ADAMTS19: variants seen among roughly 807,000 people sequenced by gnomAD.
The protein encoded by ADAMTS19 is A disintegrin and metalloproteinase with thrombospondin motifs 19.
In ADAMTS19, 93 loss-of-function variants were observed where a neutral mutation model predicts 153.3. That is an observed-to-expected ratio of 0.61 (90% CI 0.51 to 0.72). The LOEUF (loss-of-function observed/expected upper bound fraction) is 0.72, where lower values mean the gene tolerates loss of function less well. Ranked by LOEUF, ADAMTS19 falls within the 30% of genes least tolerant of loss-of-function variation. The probability of loss-of-function intolerance (pLI) is 0.00; values close to 1 mark genes in which losing one functional copy is unlikely to be tolerated. For synonymous variants in ADAMTS19, 600 were observed against 556.6 expected, an observed-to-expected ratio of 1.08 and a Z score of -1.10; for missense variants, 1,482 against 1,552.1, an observed-to-expected ratio of 0.95 and a Z score of 0.76.
Position 129,496,046 on chromosome 5 carries a change from G to A in ADAMTS19, c.748-13031G>A, listed in dbSNP as rs559986377. ...CATAGCTACATTTGTATTTGGGAATGTCATGATTGGGAAACAGGCCATGAA... is the reference window on the plus strand; with the variant it reads ...CATAGCTACATTTGTATTTGGGAATATCATGATTGGGAAACAGGCCATGAA... On this transcript the variant is annotated intron_variant, in intron 2 of 22. Transcript: ENST00000274487. Among the ~76,000 whole-genome samples, 20 of 152,222 alleles carry A rather than the reference G, an allele frequency of 1.3e-4. No individual in the cohort carries two copies. In the South Asian group the frequency reaches 3.5e-3, roughly 27 times the overall value.
intron 7 of ADAMTS19, among the ~76,000 whole-genome samples, chr5:129,588,808 A>G (rs1490975620): frequency 6.6e-6 from 1 of 151,738 alleles, no homozygotes; most frequent in Non-Finnish European, 1.5e-5. Flanking sequence ...GATATATGGG[A>G]ATTTTATTAA....
chr5:129,532,641 T>G (rs912839287), intron 6 of ADAMTS19, among the ~76,000 whole-genome samples: 1 of 152,194 alleles, frequency 6.6e-6, no homozygotes, highest in East Asian at 1.9e-4. Context: ...ACTTGAAAAT[T>G]TATAGAAGCT....
intron 18 of ADAMTS19, among the ~76,000 whole-genome samples, chr5:129,693,148 C>G (rs1755410065): frequency 6.6e-6 from 1 of 151,854 alleles, no homozygotes; most frequent in Non-Finnish European, 1.5e-5. Context: ...ATGCTCAGAG[C>G]TATTGAGAGG....
chr5:129,646,394 A>C (rs2127036447), intron 11 of ADAMTS19, among the ~76,000 whole-genome samples: 1 of 152,280 alleles, frequency 6.6e-6, no homozygotes, highest in South Asian at 2.1e-4. Flanking sequence ...ATGGCCTATA[A>C]AAGTAAAGCA....
chr5:129,610,769 T>C (rs1401268694), intron 8 of ADAMTS19, among the ~76,000 whole-genome samples: 2 of 152,174 alleles, frequency 1.3e-5, no homozygotes, highest in East Asian at 3.9e-4. Context: ...TGTGTCTTTA[T>C]AGCAGCATGA....
At chr5:129,723,793 T>A (rs767918476) in intron 21 of ADAMTS19, among the ~76,000 whole-genome samples, 18 of 152,176 alleles carry the variant, frequency 1.2e-4, no homozygotes, top group Non-Finnish European at 2.5e-4. Flanking sequence ...TGAGAACGTG[T>A]ACCCATGGTA....
chr5:129,717,982 T>C (rs903664640), intron 21 of ADAMTS19, among the ~76,000 whole-genome samples: 1 of 152,146 alleles, frequency 6.6e-6, no homozygotes, highest in African/African-American at 2.4e-5. Flanking sequence ...TTCTCTCTGG[T>C]GGGAAGATGT....
At chr5:129,513,006 T>C (rs1348865943) in intron 3 of ADAMTS19, among the ~76,000 whole-genome samples, 1 of 151,964 alleles carries the variant, frequency 6.6e-6, no homozygotes, top group Non-Finnish European at 1.5e-5. Flanking sequence ...AGTGTCTCCA[T>C]TTCAATTTTT....
intron 18 of ADAMTS19, among the ~76,000 whole-genome samples, chr5:129,694,041 G>C (rs966157938): frequency 1.3e-5 from 2 of 152,110 alleles, no homozygotes; most frequent in Non-Finnish European, 2.9e-5. Context: ...TTTCAGAAAG[G>C]CTCATTAGGG....
chr5:129,473,915 G>T (rs1052593099), intron 2 of ADAMTS19, among the ~76,000 whole-genome samples: 1 of 151,812 alleles, frequency 6.6e-6, no homozygotes, highest in Non-Finnish European at 1.5e-5. Context: ...CATCTTTTTT[G>T]AGGTATAATT....
intron 15 of ADAMTS19, among the ~76,000 whole-genome samples, chr5:129,663,613 A>G (rs916780375): frequency 6.6e-6 from 1 of 152,142 alleles, no homozygotes; most frequent in Non-Finnish European, 1.5e-5. Flanking sequence ...TTTTCTACAG[A>G]GTATCTTCTG....
At chr5:129,656,241 G>C (rs943067995) in intron 14 of ADAMTS19, among the ~76,000 whole-genome samples, 2 of 152,124 alleles carry the variant, frequency 1.3e-5, no homozygotes, top group Non-Finnish European at 2.9e-5. Context: ...TATTTGAAAT[G>C]GATTGTGGCT....
At chr5:129,580,215 A>T (rs1749442531) in intron 7 of ADAMTS19, among the ~76,000 whole-genome samples, 1 of 152,106 alleles carries the variant, frequency 6.6e-6, no homozygotes. Flanking sequence ...ATGGGAGTTC[A>T]CTCATGATTT....
chr5:129,660,317 C>T (rs200351610), intron 15 of ADAMTS19, among the ~76,000 whole-genome samples: 1 of 152,110 alleles, frequency 6.6e-6, no homozygotes, highest in East Asian at 1.9e-4. Context: ...GAAACAGGCT[C>T]TCAGACTTTC....
At chr5:129,721,442 G>T (rs1171979729) in intron 21 of ADAMTS19, among the ~76,000 whole-genome samples, 1 of 151,992 alleles carries the variant, frequency 6.6e-6, no homozygotes, top group Non-Finnish European at 1.5e-5. Context: ...ATTTCATCAG[G>T]CCACAGATTT....
chr5:129,499,475 T>A (rs1314462370), intron 2 of ADAMTS19, among the ~76,000 whole-genome samples: 1 of 152,042 alleles, frequency 6.6e-6, no homozygotes, highest in African/African-American at 2.4e-5. Context: ...TATGATAGAG[T>A]TGAAAAGGCA....
intron 7 of ADAMTS19, among the ~76,000 whole-genome samples, chr5:129,592,712 T>G (rs1319824822): frequency 6.6e-6 from 1 of 152,178 alleles, no homozygotes; most frequent in African/African-American, 2.4e-5. Context: ...ATGGTCACTT[T>G]AAGGGTTCTT....
intron 16 of ADAMTS19, among the ~76,000 whole-genome samples, chr5:129,672,082 A>G (rs1754325773): frequency 6.6e-6 from 1 of 152,152 alleles, no homozygotes; most frequent in South Asian, 2.1e-4. Flanking sequence ...GGGTGCCAGC[A>G]TGGTGGGCTT....
chr5:129,637,557 A>G (rs1055431574), intron 10 of ADAMTS19, among the ~76,000 whole-genome samples: 2 of 152,184 alleles, frequency 1.3e-5, no homozygotes, highest in African/African-American at 4.8e-5. Context: ...ACAAAAAACC[A>G]AATAATGCCA....
Sources: gnomAD v4.1 joint callset for allele counts (sites outside exome capture counted in the v4.1 genomes callset) on GRCh38, gnomAD v4.1.1 for gene constraint, MANE v1.5 for transcripts, NCBI Gene and HGNC (gene_info 2026-07-23, HGNC 2026-07-21) for gene names.